Variants in LRFN2 observed in about 807,000 individuals in gnomAD.
LRFN2 encodes leucine rich repeat and fibronectin type III domain containing 2, also known as leucine-rich repeat and fibronectin type-III domain-containing protein 2.
In LRFN2, 18 loss-of-function variants were observed where a neutral mutation model predicts 37.3. That is an observed-to-expected ratio of 0.48 (90% CI 0.33 to 0.72). The LOEUF (loss-of-function observed/expected upper bound fraction) is 0.72, where lower values mean the gene tolerates loss of function less well. Ranked by LOEUF, LRFN2 falls within the 30% of genes least tolerant of loss-of-function variation. The pLI is 0.02. For missense variants in LRFN2, 1,006 were observed against 1,060.7 expected, an observed-to-expected ratio of 0.95 and a Z score of 0.72; for synonymous variants, 556 against 466.6, an observed-to-expected ratio of 1.19 and a Z score of -2.47.
Position 40,541,279 on chromosome 6 carries a change from C to A in LRFN2, c.-19+45662G>T, listed in dbSNP as rs930615426. Among the ~76,000 whole-genome samples, 10 of 152,310 alleles carry A rather than the reference C, an allele frequency of 6.6e-5. No homozygotes were observed. In the East Asian group the frequency reaches 1.5e-3, roughly 24 times the overall value. On this transcript the variant is annotated intron_variant, in intron 1 of 2. Coordinates refer to ENST00000338305, the MANE Select transcript of LRFN2 (RefSeq NM_020737.3). The stretch of plus-strand genomic sequence containing the variant: ...CCCCAAATATTCCCAACCCCACAAC[C>A]TGTGTGGGATGACACCTCCCTGACC...
intron 1 of LRFN2, among the ~76,000 whole-genome samples, chr6:40,546,505 G>A (rs958202049): frequency 6.6e-6 from 1 of 152,138 alleles, no homozygotes; most frequent in African/African-American, 2.4e-5. Flanking sequence ...GGCCAACACT[G>A]GTGGGAAGTC....
chr6:40,435,452 G>A (rs1231746895), intron 1 of LRFN2, among the ~76,000 whole-genome samples: 4 of 152,050 alleles, frequency 2.6e-5, no homozygotes, highest in African/African-American at 4.8e-5. Flanking sequence ...GAGCCACCTC[G>A]CCTGGCCAAT....
intron 1 of LRFN2, among the ~76,000 whole-genome samples, chr6:40,580,018 G>A (rs1228296110): frequency 2.0e-5 from 3 of 152,200 alleles, no homozygotes; most frequent in Admixed American, 6.5e-5. Context: ...TAAAGGAATG[G>A]CAGGCAGAAA....
intron 1 of LRFN2, among the ~76,000 whole-genome samples, chr6:40,553,345 G>A (rs1205782086): frequency 6.6e-6 from 1 of 152,114 alleles, no homozygotes; most frequent in Non-Finnish European, 1.5e-5. Context: ...CCCAGCAGAG[G>A]AAAAACAAAT....
intron 1 of LRFN2, among the ~76,000 whole-genome samples, chr6:40,572,535 C>T (rs370264786): frequency 1.6e-4 from 24 of 152,256 alleles, no homozygotes; most frequent in Admixed American, 4.6e-4. Context: ...CATATGACCC[C>T]GCAGCAGAGG....
intron 1 of LRFN2, chr6:40,517,610 T>G (rs993672144): frequency 6.6e-6 from 1 of 152,232 alleles, no homozygotes; most frequent in Non-Finnish European, 1.5e-5. Flanking sequence ...TTTTGGAACC[T>G]TCATGCTAAC....
At chr6:40,455,948 T>C (rs1764225288) in intron 1 of LRFN2, among the ~76,000 whole-genome samples, 1 of 152,078 alleles carries the variant, frequency 6.6e-6, no homozygotes, top group Admixed American at 6.5e-5. Flanking sequence ...AGATTCAAAG[T>C]GGGAGAGATG....
intron 1 of LRFN2, among the ~76,000 whole-genome samples, chr6:40,472,531 T>C (rs987307220): frequency 1.2e-4 from 18 of 152,194 alleles, no homozygotes; most frequent in Non-Finnish European, 1.9e-4. Context: ...CCAAATGACC[T>C]TGGGGGGCCT....
intron 2 of LRFN2, among the ~76,000 whole-genome samples, chr6:40,401,809 C>A (rs1762747476): frequency 6.6e-6 from 1 of 152,200 alleles, no homozygotes; most frequent in South Asian, 2.1e-4. Flanking sequence ...CTCTGCCCCA[C>A]TAGCACCACG....
At chr6:40,447,922 A>T (rs1010325652) in intron 1 of LRFN2, among the ~76,000 whole-genome samples, 2 of 152,228 alleles carry the variant, frequency 1.3e-5, no homozygotes, top group Non-Finnish European at 2.9e-5. Flanking sequence ...AACAAAATGT[A>T]CACAAGGCTC....
chr6:40,433,044 A>T lies in LRFN2; in HGVS notation c.70T>A (p.Tyr24Asn), dbSNP rs749345479. The T allele has an allele frequency of 1.9e-6, 3 of 1,578,770 alleles. No homozygotes were observed. Among genetic ancestry groups the T allele is most frequent in the Non-Finnish European group, 2.6e-6 (3 of 1,163,438 alleles). The part of the protein sequence containing the change: ...AFAVVDACPK[Y>N]CVCQNLSESL... ...TCAGACAGATTCTGGCAGACACAGT[A>T]CTTGGGGCAGGCGTCGACCACGGCA... The change falls in exon 2 of 3, where the codon TAC (tyrosine) becomes AAC (asparagine). Residue 24 changes from tyrosine (Y) to asparagine (N), a missense_variant. Tyr to Asn is a moderately radical substitution (Grantham distance 143). Around this residue, in one of 4 missense-constraint regions of LRFN2, gnomAD observed 185 missense variants for 254.9 expected, o/e 0.73. Coordinates refer to ENST00000338305, the MANE Select transcript of LRFN2 (RefSeq NM_020737.3).
chr6:40,403,634 G>A (rs1280987052), intron 2 of LRFN2, among the ~76,000 whole-genome samples: 10 of 152,110 alleles, frequency 6.6e-5, no homozygotes, highest in Non-Finnish European at 1.5e-4. Context: ...AGGTGTACCC[G>A]GACATCCACT....
chr6:40,433,278 T>C (rs565542489), intron 1 of LRFN2, 147 bp from the exon 2 acceptor site: 5 of 572,206 alleles, frequency 8.7e-6, no homozygotes, highest in Non-Finnish European at 1.5e-5. Flanking sequence ...CTTCCATGAA[T>C]CCCTCTAATG....
chr6:40,574,860 C>A (rs1767248663), intron 1 of LRFN2, among the ~76,000 whole-genome samples: 2 of 152,146 alleles, frequency 1.3e-5, no homozygotes, highest in Admixed American at 1.3e-4. Context: ...ACAACATCCT[C>A]AGGCTCAGGA....
intron 2 of LRFN2, among the ~76,000 whole-genome samples, chr6:40,401,324 G>C (rs1444775910): frequency 6.6e-6 from 1 of 152,136 alleles, no homozygotes; most frequent in Non-Finnish European, 1.5e-5. Flanking sequence ...GATGTCATCT[G>C]TGCCAGATGA....
At chr6:40,552,852 T>G (rs566890198) in intron 1 of LRFN2, among the ~76,000 whole-genome samples, 55 of 152,374 alleles carry the variant, frequency 3.6e-4, no homozygotes, top group African/African-American at 1.3e-3. Flanking sequence ...GTTCCCATCA[T>G]GTACTATGGA....
At chr6:40,586,642 T>C (rs1259464157) in intron 1 of LRFN2, among the ~76,000 whole-genome samples, 1 of 152,106 alleles carries the variant, frequency 6.6e-6, no homozygotes, top group African/African-American at 2.4e-5. Context: ...CATCCACCCG[T>C]GGCTCCCCGT....
rs113042089 is a variant in LRFN2 at position 40,528,750 on chromosome 6, T to C, written c.-19+58191A>G. On this transcript the variant is annotated intron_variant, in intron 1 of 2. Coordinates refer to ENST00000338305, the MANE Select transcript of LRFN2 (RefSeq NM_020737.3). Reference sequence around the variant, plus strand: ...CGCATCATTGTAAAGTCAGAAATCCTAAGTTGAAACATCCTAAGTTGGGGA... The same window carrying C: ...CGCATCATTGTAAAGTCAGAAATCCCAAGTTGAAACATCCTAAGTTGGGGA... 4.9e-3 allele frequency among the ~76,000 whole-genome samples: 751 copies of C among 152,322 alleles called. 3 individuals carry two copies. The highest frequency in any genetic ancestry group is 0.017 in the African/African-American group (707 of 41,566).
chr6:40,479,135 G>A (rs1403809990), intron 1 of LRFN2, among the ~76,000 whole-genome samples: 1 of 152,190 alleles, frequency 6.6e-6, no homozygotes, highest in Non-Finnish European at 1.5e-5. Context: ...AGATGATAAT[G>A]GTTCCTACCG....
Sources: allele counts gnomAD v4.1 joint callset (sites outside exome capture counted in the v4.1 genomes callset), GRCh38; gene constraint gnomAD v4.1.1; regional missense constraint gnomAD v4.1.1; transcripts MANE v1.5; gene names NCBI Gene and HGNC (gene_info 2026-07-23, HGNC 2026-07-21).